The following PLCB1 variants were observed in gnomAD, a reference collection of about 807,000 sequenced individuals.
PLCB1 encodes the protein phospholipase C beta 1, also known as 1-phosphatidylinositol 4,5-bisphosphate phosphodiesterase beta-1.
In PLCB1, 46 loss-of-function variants were observed where a neutral mutation model predicts 161.8. The observed-to-expected ratio is 0.28, with a 90% CI of 0.22 to 0.36. The LOEUF is 0.36. Among genes scored for constraint, PLCB1 ranks in the 10% least tolerant of loss-of-function variants. PLCB1 has a pLI of 1.00. For synonymous variants in PLCB1, 517 were observed against 503.7 expected (o/e 1.03, Z -0.35); for missense variants, 1,016 against 1,472.5 (o/e 0.69, Z 5.07).
At chr20:8,324,199 G>GGT (rs60079589) in intron 2 of PLCB1, among the ~76,000 whole-genome samples, 6,847 of 147,010 alleles carry the variant, frequency 0.047, 178 homozygotes, top group African/African-American at 0.064. Flanking sequence ...AACTGGTAGG[G>GGT]GTGTGTGTGT....
intron 31 of PLCB1, chr20:8,880,909 C>T (rs1858719186): frequency 7.1e-6 from 1 of 140,514 alleles, no homozygotes; most frequent in Non-Finnish European, 1.5e-5. Flanking sequence ...CTCTGTCGCC[C>T]AGACTGGAGT....
intron 3 of PLCB1, among the ~76,000 whole-genome samples, chr20:8,621,704 A>G (rs1472165990): frequency 6.6e-6 from 1 of 152,242 alleles, no homozygotes. Flanking sequence ...GCACTATTTT[A>G]TATAAACTGC....
intron 3 of PLCB1, among the ~76,000 whole-genome samples, chr20:8,596,095 C>A (rs1384812303): frequency 6.6e-6 from 1 of 151,942 alleles, no homozygotes; most frequent in Non-Finnish European, 1.5e-5. Context: ...TGCAGAAGCT[C>A]TTTAGTTTAA....
intron 2 of PLCB1, among the ~76,000 whole-genome samples, chr20:8,338,818 C>A (rs111660961): frequency 6.6e-6 from 1 of 152,120 alleles, no homozygotes; most frequent in African/African-American, 2.4e-5. Context: ...TACCCCTGCA[C>A]GCACATAAAA....
chr20:8,562,175 C>T (rs898380033), intron 3 of PLCB1, among the ~76,000 whole-genome samples: 3 of 152,168 alleles, frequency 2.0e-5, no homozygotes, highest in African/African-American at 7.2e-5. Context: ...CTACTTGCAT[C>T]TTTAGCCTCG....
chr20:8,147,989 C>T (rs2051471931), intron 1 of PLCB1, among the ~76,000 whole-genome samples: 1 of 151,042 alleles, frequency 6.6e-6, no homozygotes, highest in South Asian at 2.1e-4. Flanking sequence ...TCTCCTGCCT[C>T]AGCCTCCTTT....
chr20:8,141,980 A>G (rs1203323963), intron 1 of PLCB1: 1 of 152,258 alleles, frequency 6.6e-6, no homozygotes, highest in Non-Finnish European at 1.5e-5. Context: ...ACGATGCAGA[A>G]TGCAAGACAG....
rs374153217 is a variant in PLCB1 at position 8,319,997 on chromosome 20, A to G, written c.178-51385A>G. Among the ~76,000 whole-genome samples the G allele has an allele frequency of 2.0e-5, 3 of 152,218 alleles. No homozygotes were observed. In the East Asian group the frequency reaches 5.8e-4, roughly 29 times the overall value. ...TGCACCCTAAAACTTAAAGTATAATAATAATAAAATTTTTTAAAAAAAGAA... is the reference window on the plus strand; with the variant it reads ...TGCACCCTAAAACTTAAAGTATAATGATAATAAAATTTTTTAAAAAAAGAA... On this transcript the variant is annotated intron_variant, in intron 2 of 31. Coordinates refer to ENST00000338037, the MANE Select transcript of PLCB1 (RefSeq NM_015192.4).
intron 12 of PLCB1, among the ~76,000 whole-genome samples, chr20:8,714,956 A>AAAAC (rs1555785352): frequency 6.6e-6 from 1 of 151,360 alleles, no homozygotes. Context: ...AAAAAAAAAA[A>AAAAC]AGCCCATGAT....
chr20:8,204,166 A>C (rs1388427655), intron 2 of PLCB1, among the ~76,000 whole-genome samples: 1 of 152,120 alleles, frequency 6.6e-6, no homozygotes, highest in Admixed American at 6.6e-5. Flanking sequence ...AGGGTGGGGA[A>C]ATAATTGAAT....
intron 2 of PLCB1, among the ~76,000 whole-genome samples, chr20:8,214,273 G>T (rs1978996318): frequency 6.6e-6 from 1 of 152,244 alleles, no homozygotes; most frequent in East Asian, 1.9e-4. Context: ...CTGGTGGAAG[G>T]TGATGGGATC....
intron 2 of PLCB1, among the ~76,000 whole-genome samples, chr20:8,331,286 C>T (rs1985354407): frequency 6.6e-6 from 1 of 151,698 alleles, no homozygotes; most frequent in East Asian, 1.9e-4. Flanking sequence ...GAATACTATG[C>T]CTGCTACCAT....
At chr20:8,142,219 C>A (rs1359548256) in intron 1 of PLCB1, among the ~76,000 whole-genome samples, 1 of 152,134 alleles carries the variant, frequency 6.6e-6, no homozygotes, top group Admixed American at 6.5e-5. Context: ...TGGGTTCACA[C>A]AGGGGAGTGT....
At chr20:8,197,150 G>A (rs6039085) in intron 2 of PLCB1, among the ~76,000 whole-genome samples, 3,864 of 152,204 alleles carry the variant, frequency 0.025, 182 homozygotes, top group African/African-American at 0.088. Flanking sequence ...TGTCTTTATA[G>A]CAGCATGATT....
intron 23 of PLCB1, among the ~76,000 whole-genome samples, chr20:8,745,328 T>C (rs1981115709): frequency 6.6e-6 from 1 of 152,208 alleles, no homozygotes; most frequent in South Asian, 2.1e-4. Flanking sequence ...AAGAAAATTC[T>C]ATCTAGGACA....
chr20:8,420,892 A>G (rs1979511385), intron 3 of PLCB1, among the ~76,000 whole-genome samples: 1 of 152,164 alleles, frequency 6.6e-6, no homozygotes, highest in African/African-American at 2.4e-5. Flanking sequence ...TTCATTCAGA[A>G]TTTCTTAATC....
intron 3 of PLCB1, among the ~76,000 whole-genome samples, chr20:8,486,519 C>T (rs1234166141): frequency 5.7e-5 from 7 of 122,252 alleles, no homozygotes; most frequent in African/African-American, 2.0e-4. Context: ...GACGGAGTCT[C>T]GCTCTGTCGC....
At chr20:8,683,728 A>C (rs1471390023) in intron 9 of PLCB1, among the ~76,000 whole-genome samples, 1 of 152,190 alleles carries the variant, frequency 6.6e-6, no homozygotes, top group Non-Finnish European at 1.5e-5. Flanking sequence ...AGTAAACTAA[A>C]TTACCTGTGT....
chr20:8,747,835 T>C (rs2123538356), intron 23 of PLCB1, among the ~76,000 whole-genome samples: 1 of 152,278 alleles, frequency 6.6e-6, no homozygotes, highest in South Asian at 2.1e-4. Context: ...GGCCCCAATT[T>C]GATTATTTTA....
Sources: gnomAD v4.1 joint callset for allele counts (sites outside exome capture counted in the v4.1 genomes callset) on GRCh38, gnomAD v4.1.1 for gene constraint, MANE v1.5 for transcripts, NCBI Gene and HGNC (gene_info 2026-07-23, HGNC 2026-07-21) for gene names.